Variants in FGF2 observed in about 807,000 individuals in gnomAD.
FGF2 encodes basic fibroblast growth factor bFGF.
A neutral mutation model predicts 15.9 loss-of-function variants in FGF2; 13 were observed. The observed-to-expected ratio is 0.82, with a 90% confidence interval of 0.53 to 1.30. The LOEUF is 1.30. Among genes scored for constraint, FGF2 ranks in the 50% most tolerant of loss-of-function variants. FGF2 has a pLI of 0.00. For missense variants in FGF2, 163 were observed against 196.9 expected (o/e 0.83, Z 1.03); for synonymous variants, 90 against 78.4 (o/e 1.15, Z -0.78).
Position 122,827,750 on chromosome 4 carries a change from A to T in FGF2, c.178+398A>T, listed in dbSNP as rs191929157. ...CGGGGACAAAGACAGGAAGGACCGC[A>T]GCAGAACGAAACGGTCTTTACTGGA... On this transcript the variant is annotated intron_variant, in intron 1 of 2. Coordinates refer to ENST00000644866, the MANE Select transcript of FGF2 (RefSeq NM_001361665.2). This position sits in a 1 kb window ranked among gnomAD's most constrained non-coding sequence, Gnocchi z 4.2. Among the ~76,000 whole-genome samples, 548 of 152,354 alleles carry T rather than the reference A, an allele frequency of 3.6e-3. 4 individuals are homozygous for T. The highest frequency in any genetic ancestry group is 0.013 in the African/African-American group (524 of 41,588).
chr4:122,841,724 T>C lies in FGF2; in HGVS notation c.178+14372T>C, dbSNP rs530888695. Among the ~76,000 whole-genome samples, 6 of 152,352 alleles carry C rather than the reference T, an allele frequency of 3.9e-5. No individual in the cohort carries two copies. In the South Asian group the frequency reaches 6.2e-4, roughly 16 times the overall value. On this transcript the variant is annotated intron_variant, in intron 1 of 2. Transcript: ENST00000644866. ...TTATGCTAAACCAAAGTTATGTTTTTTGCTAGACCGTCCACCCAACTTTTA... is the reference window on the plus strand; with the variant it reads ...TTATGCTAAACCAAAGTTATGTTTTCTGCTAGACCGTCCACCCAACTTTTA...
At chr4:122,858,939 T>C (rs750481994) in intron 1 of FGF2, among the ~76,000 whole-genome samples, 5 of 150,996 alleles carry the variant, frequency 3.3e-5, no homozygotes, top group Admixed American at 6.6e-5. Context: ...ACACACTCTA[T>C]CAACCAATTT....
At chr4:122,835,591 T>C (rs1316535589) in intron 1 of FGF2, among the ~76,000 whole-genome samples, 1 of 152,130 alleles carries the variant, frequency 6.6e-6, no homozygotes, top group Non-Finnish European at 1.5e-5. Context: ...TGAATTATTA[T>C]TCTTGTCTCC....
intron 1 of FGF2, among the ~76,000 whole-genome samples, chr4:122,839,540 G>A (rs545658089): frequency 6.6e-6 from 1 of 152,206 alleles, no homozygotes; most frequent in Non-Finnish European, 1.5e-5. Context: ...GTCCGGAAAA[G>A]TGTCTAAAAA....
rs935176709 is a variant in FGF2 at position 122,827,751 on chromosome 4, G to T, written c.178+399G>T. On this transcript the variant is annotated intron_variant, in intron 1 of 2. Transcript: ENST00000644866. The surrounding 1 kb of genome is among the most constrained non-coding windows in gnomAD (Gnocchi z 4.2). ...GGGGACAAAGACAGGAAGGACCGCAGCAGAACGAAACGGTCTTTACTGGAA... is the reference window on the plus strand; with the variant it reads ...GGGGACAAAGACAGGAAGGACCGCATCAGAACGAAACGGTCTTTACTGGAA... Among the ~76,000 whole-genome samples the T allele has an allele frequency of 1.3e-5, 2 of 152,246 alleles. No individual in the cohort carries two copies. The highest frequency in any genetic ancestry group is 2.9e-5 in the Non-Finnish European group (2 of 68,052).
chr4:122,875,710 G>A lies in FGF2; in HGVS notation c.179-611G>A, dbSNP rs766962289. ...TAGTCCCAGCTACTTGGGAGACTGAGGCAGGAGAATGGTGTGAACCTGGGA... is the reference window on the plus strand; with the variant it reads ...TAGTCCCAGCTACTTGGGAGACTGAAGCAGGAGAATGGTGTGAACCTGGGA... On this transcript the variant is annotated intron_variant, in intron 1 of 2. Transcript: ENST00000644866. Among the ~76,000 whole-genome samples the A allele has an allele frequency of 2.6e-5, 4 of 152,300 alleles. No individual in the cohort carries two copies. The South Asian group carries it at 8.3e-4, about 32-fold the overall frequency.
chr4:122,858,989 T>C (rs531858658), intron 1 of FGF2, among the ~76,000 whole-genome samples: 1 of 152,314 alleles, frequency 6.6e-6, no homozygotes, highest in South Asian at 2.1e-4. Context: ...GAAGTTAAAA[T>C]GTGAGCATTG....
chr4:122,844,402 G>A (rs1170029692), intron 1 of FGF2, among the ~76,000 whole-genome samples: 1 of 152,152 alleles, frequency 6.6e-6, no homozygotes, highest in African/African-American at 2.4e-5. Context: ...AAGTCATCAT[G>A]AGGGTTGGAG....
chr4:122,860,447 C>CTTTTTTT lies in FGF2; in HGVS notation c.179-15855_179-15849dup, dbSNP rs34541038. On this transcript the variant is annotated intron_variant, in intron 1 of 2. Transcript: ENST00000644866. ...TTCACCTAGATTTCCCTAAGGTTAA[C>CTTTTTTT]TTTTTTTTTTTTTTTTTTTTTTTTT... is the stretch of plus-strand genomic sequence containing the variant. 2.3e-4 allele frequency among the ~76,000 whole-genome samples: 21 copies of CTTTTTTT among 90,928 alleles called. 1 individual carries two copies. The highest frequency in any genetic ancestry group is 4.0e-4 in the East Asian group (1 of 2,524). The allele number at this position is 90,928 out of a possible 152,430, so 59.7% of individuals were successfully genotyped here.
intron 1 of FGF2, among the ~76,000 whole-genome samples, chr4:122,855,363 T>C (rs113474939): frequency 3.4e-4 from 52 of 152,364 alleles, no homozygotes; most frequent in African/African-American, 1.1e-3. Context: ...TCTGAGCTGC[T>C]TATGATTTCA....
At chr4:122,888,547 T>C (rs1324219915) in intron 2 of FGF2, 2 of 152,268 alleles carry the variant, frequency 1.3e-5, no homozygotes, top group Non-Finnish European at 2.9e-5. Flanking sequence ...TCTGATCTCA[T>C]TTCCTGCTAC....
In FGF2 at chr4:122,827,211, C is replaced by T. The variant is rs770984817; in HGVS notation, c.37C>T (p.Pro13Ser). The T allele has an allele frequency of 7.5e-6, 12 of 1,609,310 alleles. No homozygotes were observed. The highest frequency in any genetic ancestry group is 2.7e-5 in the African/African-American group (2 of 74,810). Reference sequence around the variant, plus strand: ...GAGCATCACCACGCTGCCCGCCTTGCCCGAGGATGGCGGCAGCGGCGCCTT... The same window carrying T: ...GAGCATCACCACGCTGCCCGCCTTGTCCGAGGATGGCGGCAGCGGCGCCTT... ...AGSITTLPAL[P>S]EDGGSGAFPP... The change falls in exon 1 of 3, where the codon CCC becomes TCC. Residue 13 changes from proline (P) to serine (S), a missense_variant. Transcript: ENST00000644866. The surrounding 1 kb of genome is among the most constrained non-coding windows in gnomAD (Gnocchi z 4.2).
intron 1 of FGF2, among the ~76,000 whole-genome samples, chr4:122,865,482 G>A (rs1726555740): frequency 6.6e-6 from 1 of 151,854 alleles, no homozygotes; most frequent in Admixed American, 6.6e-5. Flanking sequence ...TGTAGAGTGG[G>A]GTTTTGCCAT....
At chr4:122,854,602 T>G (rs534938620) in intron 1 of FGF2, among the ~76,000 whole-genome samples, 12 of 152,330 alleles carry the variant, frequency 7.9e-5, no homozygotes, top group African/African-American at 2.9e-4. Context: ...CTGAAGACTT[T>G]CAGGCAAAGG....
At chr4:122,850,151 A>G (rs1279654017) in intron 1 of FGF2, among the ~76,000 whole-genome samples, 1 of 152,082 alleles carries the variant, frequency 6.6e-6, no homozygotes, top group Non-Finnish European at 1.5e-5. Context: ...AATCTCAGCT[A>G]CTTGGGAGAC....
intron 1 of FGF2, among the ~76,000 whole-genome samples, chr4:122,875,991 A>T (rs1726837936): frequency 6.6e-6 from 1 of 152,182 alleles, no homozygotes; most frequent in Admixed American, 6.5e-5. Context: ...AACAGGGGCG[A>T]TTGAAAGCTA....
At chr4:122,837,567 A>AT (rs148910910) in intron 1 of FGF2, among the ~76,000 whole-genome samples, 4 of 149,310 alleles carry the variant, frequency 2.7e-5, no homozygotes, top group East Asian at 3.9e-4. Context: ...TCTTGCCTAG[A>AT]TTTTTTTTTT....
At chr4:122,854,859 T>C (rs189843916) in intron 1 of FGF2, among the ~76,000 whole-genome samples, 1 of 152,218 alleles carries the variant, frequency 6.6e-6, no homozygotes, top group East Asian at 1.9e-4. Flanking sequence ...GAAAGGTGTT[T>C]TCCTAATGAT....
chr4:122,892,503 AT>A lies in FGF2; in HGVS notation c.*109del, dbSNP rs2150793757. On this transcript the variant is annotated 3_prime_UTR_variant, in exon 3 of 3. Transcript: ENST00000644866. ...AAATGTGTATAGCTCAGTTTGGATA[AT>A]TGGTCAAACAATTTTTTATCCAGTA... 2.6e-6 allele frequency: 4 copies of A among 1,550,292 alleles called. No homozygotes were observed. The South Asian group carries it at 4.9e-5, about 19-fold the overall frequency.
Sources: gnomAD v4.1 joint callset for allele counts (sites outside exome capture counted in the v4.1 genomes callset) on GRCh38, gnomAD v4.1.1 for gene constraint, Gnocchi (gnomAD v3.1) non-coding constraint, MANE v1.5 for transcripts, NCBI Gene and HGNC (gene_info 2026-07-23, HGNC 2026-07-21) for gene names.